Variants in ECPAS observed in about 807,000 individuals in gnomAD.
The protein encoded by ECPAS is proteasome adapter and scaffold protein ECM29.
Under a neutral mutation model 255.1 loss-of-function variants are expected in ECPAS, and 70 were observed. That is an observed-to-expected ratio of 0.27 (90% CI 0.23 to 0.33). The LOEUF is 0.33. Among genes scored for constraint, ECPAS ranks in the 10% least tolerant of loss-of-function variants. The pLI is 1.00. For missense variants in ECPAS, 1,817 were observed against 2,206.4 expected (o/e 0.82, Z 3.54); for synonymous variants, 784 against 775.0 (o/e 1.01, Z -0.19).
chr9:111,484,261 C>T lies in ECPAS; in HGVS notation c.-228G>A, dbSNP rs766518398. On this transcript the variant is annotated 5_prime_UTR_variant, in exon 1 of 50. Transcript: ENST00000684092. ...GCTGGGCCGAGCGGGCCCGGGCTGC[C>T]CTAGCGGCCGGGGGAAATCCTCGAG... The T allele has an allele frequency of 2.7e-6, 4 of 1,502,124 alleles. No homozygotes were observed. Among genetic ancestry groups the T allele is most frequent in the East Asian group, 5.0e-5 (2 of 39,964 alleles). 93.0% of individuals were successfully genotyped at this position (1,502,124 alleles called of 1,614,324 possible). A position where few individuals can be genotyped will look rare whatever the true frequency, so the allele number is the denominator to read the frequency against.
intron 8 of ECPAS, among the ~76,000 whole-genome samples, chr9:111,431,532 T>TGTGTGACA (rs1177992830): frequency 3.8e-4 from 57 of 149,090 alleles, no homozygotes; most frequent in Middle Eastern, 3.4e-3. Context: ...CACTCCAGCC[T>TGTGTGACA]GTGTGACAGA....
intron 7 of ECPAS, among the ~76,000 whole-genome samples, chr9:111,436,604 A>G (rs1280513487): frequency 6.6e-6 from 1 of 152,232 alleles, no homozygotes; most frequent in Non-Finnish European, 1.5e-5. Flanking sequence ...GATGAAAATT[A>G]AACCTATAAT....
In ECPAS at chr9:111,469,093, C is replaced by T. The variant is rs2098283126; in HGVS notation, c.22+3804G>A. Among the ~76,000 whole-genome samples the T allele has an allele frequency of 2.0e-5, 3 of 152,198 alleles. No individual in the cohort carries two copies. In the South Asian group the frequency reaches 6.2e-4, roughly 32 times the overall value. ...GGATGCTTCTTTAAGAATTAATTAG[C>T]TGAGCGTGATGGCAGGCCCCGTAAT... On this transcript the variant is annotated intron_variant, in intron 2 of 49. Transcript: ENST00000684092.
chr9:111,363,731 C>T, intron 48 of ECPAS, 72 bp from the exon 49 acceptor site: 1 of 765,310 alleles, frequency 1.3e-6, no homozygotes. Context: ...ATTTGTGTTG[C>T]TGAAAGAAAG....
chr9:111,404,896 G>A lies in ECPAS; in HGVS notation c.2652+3675C>T, dbSNP rs1349899781. Among the ~76,000 whole-genome samples, 3 of 140,178 alleles carry A rather than the reference G, an allele frequency of 2.1e-5. No homozygotes were observed. In the South Asian group the frequency reaches 6.9e-4, roughly 32 times the overall value. 92.0% of individuals were successfully genotyped at this position (140,178 alleles called of 152,430 possible). A position where few individuals can be genotyped will look rare whatever the true frequency, so the allele number is the denominator to read the frequency against. ...TCTGTACTGAAAACTATAAAACATT[G>A]ATGAAAAAAATTAAAAAGAACACAC... On this transcript the variant is annotated intron_variant, in intron 24 of 49. Coordinates refer to ENST00000684092, the MANE Select transcript of ECPAS (RefSeq NM_001364929.1).
rs1178042444 is a variant in ECPAS, at chr9:111,383,186, ATTCAT to A, written c.3803+20_3803+24del. 1.2e-6 allele frequency: 2 copies of A among 1,611,656 alleles called. No homozygotes were observed. Among genetic ancestry groups the A allele is most frequent in the South Asian group, 1.1e-5 (1 of 90,932 alleles). ...TCTAGGAACTGAGCAAATCCAATAC[ATTCAT>A]TTCATCAACGGATGCACACCTGAGG... On this transcript the variant is annotated intron_variant, in intron 35 of 49. Coordinates refer to ENST00000684092, the MANE Select transcript of ECPAS (RefSeq NM_001364929.1).
Position 111,420,126 on chromosome 9 carries a change from T to A in ECPAS, c.1456-6A>T. On this transcript the variant is annotated splice_region_variant and splice_polypyrimidine_tract_variant and intron_variant, in intron 15 of 49. Transcript: ENST00000684092. ...TGTCGAACTTGAACTTCAGGCTATTTCATGTGTAAACATACACAGACCACC... is the reference window on the plus strand; with the variant it reads ...TGTCGAACTTGAACTTCAGGCTATTACATGTGTAAACATACACAGACCACC... The A allele has an allele frequency of 6.2e-7, 1 of 1,606,960 alleles. No homozygotes were observed. The highest frequency in any genetic ancestry group is 8.5e-7 in the Non-Finnish European group (1 of 1,174,314).
rs1301207297 is a variant in ECPAS, at chr9:111,372,372, A to G, written c.4528+57T>C. On this transcript the variant is annotated intron_variant, in intron 42 of 49. Coordinates refer to ENST00000684092, the MANE Select transcript of ECPAS (RefSeq NM_001364929.1). Reference sequence around the variant, plus strand: ...GAGTTTATGAATAACGAATGCAAGTAAAAAATTCTAGCTGTGATTCCTAAG... The same window carrying G: ...GAGTTTATGAATAACGAATGCAAGTGAAAAATTCTAGCTGTGATTCCTAAG... 5 of 1,494,924 alleles carry G rather than the reference A, an allele frequency of 3.3e-6. No individual in the cohort carries two copies. The East Asian group carries it at 9.1e-5, about 27-fold the overall frequency. The allele number at this position is 1,494,924 out of a possible 1,614,324, so 92.6% of individuals were successfully genotyped here. A position where few individuals can be genotyped will look rare whatever the true frequency, so the allele number is the denominator to read the frequency against.
At chr9:111,365,226 C>T (rs970644819) in intron 48 of ECPAS, among the ~76,000 whole-genome samples, 4 of 151,962 alleles carry the variant, frequency 2.6e-5, no homozygotes, top group African/African-American at 4.8e-5. Flanking sequence ...GCCAAGATCA[C>T]GCCACTGCAC....
chr9:111,443,576 G>A (rs562878653), intron 4 of ECPAS, among the ~76,000 whole-genome samples: 1 of 152,224 alleles, frequency 6.6e-6, no homozygotes, highest in Admixed American at 6.5e-5. Flanking sequence ...TAAAGTAAAT[G>A]GGCTTCATAA....
At position 111,389,966 on chromosome 9, in the gene ECPAS, C is replaced by T; in HGVS notation, c.3279+18G>A. On this transcript the variant is annotated intron_variant, in intron 30 of 49. Transcript: ENST00000684092. ...TTGCATGAAAAAAATAAATAATTGT[C>T]CAGTGATAGCAACTTACCTTCCTAG... 1 of 1,482,580 alleles carries T rather than the reference C, an allele frequency of 6.7e-7. No homozygotes were observed. Among genetic ancestry groups the T allele is most frequent in the Non-Finnish European group, 9.3e-7 (1 of 1,071,088 alleles). The allele number at this position is 1,482,580 out of a possible 1,614,324, so 91.8% of individuals were successfully genotyped here.
intron 1 of ECPAS, among the ~76,000 whole-genome samples, chr9:111,479,083 G>A (rs1466161161): frequency 6.6e-6 from 1 of 152,054 alleles, no homozygotes; most frequent in Non-Finnish European, 1.5e-5. Flanking sequence ...CCAGCTGCAG[G>A]ACCCAGGGGA....
chr9:111,426,395 CTT>C (rs908931361), intron 10 of ECPAS, among the ~76,000 whole-genome samples: 1 of 151,120 alleles, frequency 6.6e-6, no homozygotes, highest in Non-Finnish European at 1.5e-5. Flanking sequence ...ACTCTATACT[CTT>C]GTTCCTAAAA....
rs1379947474 is a variant in ECPAS, at chr9:111,444,675, C to A, written c.154-181G>T. 2.0e-5 allele frequency among the ~76,000 whole-genome samples: 3 copies of A among 152,248 alleles called. No homozygotes were observed. In the East Asian group the frequency reaches 5.8e-4, roughly 29 times the overall value. ...ACTACATGAATCTTGTTCAAAAATACTGTCTCCCAAAAATCTATGCACTAG... is the reference window on the plus strand; with the variant it reads ...ACTACATGAATCTTGTTCAAAAATAATGTCTCCCAAAAATCTATGCACTAG... On this transcript the variant is annotated intron_variant, in intron 3 of 49. Transcript: ENST00000684092.
intron 2 of ECPAS, among the ~76,000 whole-genome samples, chr9:111,462,328 T>A (rs1006189893): frequency 2.6e-5 from 4 of 152,154 alleles, no homozygotes; most frequent in African/African-American, 9.7e-5. Flanking sequence ...ACAAAAAGCA[T>A]CTATGTAAAA....
At chr9:111,374,165 C>A in intron 38 of ECPAS, 127 bp from the exon 39 acceptor site, 2 of 612,742 alleles carry the variant, frequency 3.3e-6, no homozygotes, top group South Asian at 2.6e-5. Flanking sequence ...CTCCAGGACT[C>A]AATATAGAAA....
chr9:111,431,268 T>A (rs80199409), intron 8 of ECPAS, among the ~76,000 whole-genome samples: 2 of 152,098 alleles, frequency 1.3e-5, no homozygotes, highest in Non-Finnish European at 2.9e-5. Flanking sequence ...TATAAGGTGA[T>A]TGGTGACAGC....
At chr9:111,445,670 G>GTT (rs2098251952) in intron 3 of ECPAS, among the ~76,000 whole-genome samples, 1 of 152,028 alleles carries the variant, frequency 6.6e-6, no homozygotes, top group African/African-American at 2.4e-5. Context: ...TCTGGGAGTT[G>GTT]TTTTTTGTTT....
intron 25 of ECPAS, among the ~76,000 whole-genome samples, chr9:111,396,573 CAG>C (rs1335203726): frequency 1.3e-5 from 2 of 152,132 alleles, no homozygotes; most frequent in Non-Finnish European, 2.9e-5. Flanking sequence ...TTTTTTGAGA[CAG>C]AGTCTTACTC....
Sources: gnomAD v4.1 joint callset for allele counts (sites outside exome capture counted in the v4.1 genomes callset) on GRCh38, gnomAD v4.1.1 for gene constraint, MANE v1.5 for transcripts, NCBI Gene and HGNC (gene_info 2026-07-23, HGNC 2026-07-21) for gene names.